BCAS3: variants seen among roughly 807,000 people sequenced by gnomAD.
BCAS3 encodes BCAS3 microtubule associated cell migration factor.
BCAS3 carries 53 observed loss-of-function variants against 116.1 expected under a neutral mutation model. The observed-to-expected ratio is 0.46, with a 90% CI of 0.37 to 0.57. The LOEUF (loss-of-function observed/expected upper bound fraction) is 0.57. BCAS3 is among the 20% of genes least tolerant of loss of function. BCAS3 has a pLI of 0.00. For synonymous variants in BCAS3, 391 were observed against 408.2 expected (o/e 0.96, Z 0.51); for missense variants, 917 against 1,165.4 (o/e 0.79, Z 3.10).
At chr17:60,985,604 AC>A (rs1159742307) in intron 14 of BCAS3, among the ~76,000 whole-genome samples, 1 of 152,142 alleles carries the variant, frequency 6.6e-6, no homozygotes, top group Non-Finnish European at 1.5e-5. Context: ...GCTATCAAAT[AC>A]CAGATATTAT....
At position 61,097,387 on chromosome 17, in the gene BCAS3, C is replaced by G. The variant is rs2074047429; in HGVS notation, c.2425+12823C>G. Among the ~76,000 whole-genome samples the G allele has an allele frequency of 6.6e-6, 1 of 152,112 alleles. No homozygotes were observed. The highest frequency in any genetic ancestry group is 1.5e-5 in the Non-Finnish European group (1 of 68,018). On this transcript the variant is annotated intron_variant, in intron 22 of 23. Transcript: ENST00000407086. The surrounding 1 kb of genome is among the most constrained non-coding windows in gnomAD (Gnocchi z 4.0). ...TAGAGACGGGATTTCACCATGTTAG[C>G]CAGGATGGTCTCGATCTCCTGACCT...
intron 13 of BCAS3, among the ~76,000 whole-genome samples, chr17:60,943,817 A>G (rs1342722682): frequency 6.6e-6 from 1 of 152,160 alleles, no homozygotes; most frequent in Admixed American, 6.5e-5. Flanking sequence ...ATGAAATTAT[A>G]CTGGCAATAA....
At chr17:60,946,348 A>C (rs1280239806) in intron 13 of BCAS3, among the ~76,000 whole-genome samples, 1 of 152,176 alleles carries the variant, frequency 6.6e-6, no homozygotes, top group African/African-American at 2.4e-5. Context: ...TAAATGTAAA[A>C]CATAAAATTA....
intron 22 of BCAS3, among the ~76,000 whole-genome samples, chr17:61,268,182 T>G (rs999531824): frequency 6.6e-6 from 1 of 152,190 alleles, no homozygotes. Flanking sequence ...TATTTTCTAT[T>G]AGCTAAGGAT....
At chr17:60,780,022 C>T (rs2045658199) in intron 6 of BCAS3, among the ~76,000 whole-genome samples, 1 of 150,176 alleles carries the variant, frequency 6.7e-6, no homozygotes, top group African/African-American at 2.4e-5. Context: ...TGGAGTCTCG[C>T]TCTGTTGCCT....
At chr17:61,062,382 A>G (rs545695068) in intron 19 of BCAS3, among the ~76,000 whole-genome samples, 88 of 152,308 alleles carry the variant, frequency 5.8e-4, no homozygotes, top group Non-Finnish European at 1.0e-3. Flanking sequence ...GTCTGGCCAG[A>G]TTATATAACC....
rs1262235489 is a variant in BCAS3, at chr17:61,313,026, C to A, written c.2426-55301C>A. 6.6e-6 allele frequency among the ~76,000 whole-genome samples: 1 copy of A among 152,222 alleles called. No individual in the cohort carries two copies. Among genetic ancestry groups the A allele is most frequent in the Non-Finnish European group, 1.5e-5 (1 of 68,036 alleles). On this transcript the variant is annotated intron_variant, in intron 22 of 23. Transcript: ENST00000407086. The surrounding 1 kb of genome is among the most constrained non-coding windows in gnomAD (Gnocchi z 4.3). ...CAAGTGCCAGGTACAAAGTTAGACACTTCCCATCTTTCACCTCGTTGATCG... is the reference window on the plus strand; with the variant it reads ...CAAGTGCCAGGTACAAAGTTAGACAATTCCCATCTTTCACCTCGTTGATCG...
At chr17:60,717,790 T>A (rs548107584) in intron 5 of BCAS3, among the ~76,000 whole-genome samples, 3 of 152,160 alleles carry the variant, frequency 2.0e-5, no homozygotes, top group Admixed American at 6.6e-5. Flanking sequence ...GGGGATAGTT[T>A]CAGTATGATT....
At chr17:60,724,420 CAAAAA>C (rs748461644) in intron 5 of BCAS3, among the ~76,000 whole-genome samples, 19 of 39,784 alleles carry the variant, frequency 4.8e-4, no homozygotes, top group African/African-American at 1.9e-3. Context: ...GAGACTGTCT[CAAAAA>C]AAAAAAAAAA....
chr17:60,948,531 A>G (rs1006125674), intron 14 of BCAS3, among the ~76,000 whole-genome samples: 3 of 152,204 alleles, frequency 2.0e-5, no homozygotes, highest in African/African-American at 7.2e-5. Flanking sequence ...ACTTGCCAAT[A>G]TAACACTGTA....
At chr17:60,868,429 TATG>T (rs1315029572) in intron 7 of BCAS3, 144 bp from the exon 8 acceptor site, 4 of 503,942 alleles carry the variant, frequency 7.9e-6, no homozygotes, top group African/African-American at 4.1e-5. Flanking sequence ...AGGGATGTAT[TATG>T]ATCATTTTTG....
At chr17:60,855,154 T>C (rs1455042967) in intron 7 of BCAS3, among the ~76,000 whole-genome samples, 3 of 151,678 alleles carry the variant, frequency 2.0e-5, no homozygotes, top group Non-Finnish European at 4.4e-5. Flanking sequence ...TTCACCATGT[T>C]GGTCAGGTTG....
At chr17:61,236,449 A>C (rs1253497473) in intron 22 of BCAS3, among the ~76,000 whole-genome samples, 1 of 152,066 alleles carries the variant, frequency 6.6e-6, no homozygotes, top group Non-Finnish European at 1.5e-5. Context: ...CCTCCTGAAT[A>C]GCTGGGACTA....
Position 61,186,448 on chromosome 17 carries a change from T to C in BCAS3, c.2425+101884T>C, listed in dbSNP as rs2079780591. On this transcript the variant is annotated intron_variant, in intron 22 of 23. Coordinates refer to ENST00000407086, the MANE Select transcript of BCAS3 (RefSeq NM_017679.5). This position sits in a 1 kb window ranked among gnomAD's most constrained non-coding sequence, Gnocchi z 4.9. ...TATCTTAGCTCTGTTTTCAGTGGTATACACATGTCAATTTATGCTGCGTAA... is the reference window on the plus strand; with the variant it reads ...TATCTTAGCTCTGTTTTCAGTGGTACACACATGTCAATTTATGCTGCGTAA... Among the ~76,000 whole-genome samples the C allele has an allele frequency of 6.6e-6, 1 of 152,234 alleles. No individual in the cohort carries two copies. Among genetic ancestry groups the C allele is most frequent in the Non-Finnish European group, 1.5e-5 (1 of 68,036 alleles).
intron 13 of BCAS3, among the ~76,000 whole-genome samples, chr17:60,945,676 C>G (rs1285913858): frequency 6.6e-6 from 1 of 151,976 alleles, no homozygotes; most frequent in Non-Finnish European, 1.5e-5. Flanking sequence ...TGGCGCACAC[C>G]TGTAGTCCCA....
intron 22 of BCAS3, among the ~76,000 whole-genome samples, chr17:61,236,523 T>C (rs2083073563): frequency 1.3e-5 from 2 of 152,272 alleles, no homozygotes; most frequent in Non-Finnish European, 2.9e-5. Flanking sequence ...GGTTTCACTG[T>C]GTTAGCCAGG....
chr17:60,728,226 A>G (rs937073682), intron 5 of BCAS3, among the ~76,000 whole-genome samples: 1 of 151,970 alleles, frequency 6.6e-6, no homozygotes, highest in African/African-American at 2.4e-5. Context: ...TTCTCTATCT[A>G]TTCATCCCTC....
rs138746174 is a variant in BCAS3, at chr17:60,931,191, A to G, written c.1087+6691A>G. Reference sequence around the variant, plus strand: ...CCATGGTTAGATCTGGGCAGATTCAATATGGGCAGTGTAAATTTGTTGCTC... The same window carrying G: ...CCATGGTTAGATCTGGGCAGATTCAGTATGGGCAGTGTAAATTTGTTGCTC... On this transcript the variant is annotated intron_variant, in intron 13 of 23. Transcript: ENST00000407086. Among the ~76,000 whole-genome samples the G allele has an allele frequency of 7.5e-4, 114 of 152,326 alleles. 1 individual carries two copies. The highest frequency in any genetic ancestry group is 2.6e-4 in the Non-Finnish European group (18 of 68,028).
At chr17:61,269,594 G>A (rs1426453353) in intron 22 of BCAS3, among the ~76,000 whole-genome samples, 7 of 152,168 alleles carry the variant, frequency 4.6e-5, no homozygotes, top group East Asian at 1.9e-4. Context: ...ACCAGCACTT[G>A]TTACTCTCTG....
Sources: allele counts gnomAD v4.1 joint callset (sites outside exome capture counted in the v4.1 genomes callset), GRCh38; gene constraint gnomAD v4.1.1; non-coding constraint Gnocchi (gnomAD v3.1); transcripts MANE v1.5; gene names NCBI Gene and HGNC (gene_info 2026-07-23, HGNC 2026-07-21).